SRPK2: variants seen among roughly 807,000 people sequenced by gnomAD.
SRPK2 encodes the protein SFRS protein kinase 2.
SRPK2 carries 21 observed loss-of-function variants against 90.8 expected under a neutral mutation model. The ratio of observed to expected loss-of-function variants is 0.23; its 90% CI spans 0.16 to 0.33. SRPK2 has a LOEUF of 0.33. Ranked by LOEUF, SRPK2 falls within the 10% of genes least tolerant of loss-of-function variation. SRPK2 has a pLI of 1.00. For synonymous variants in SRPK2, 288 were observed against 311.1 expected (o/e 0.93, Z 0.78); for missense variants, 620 against 869.0 (o/e 0.71, Z 3.60).
intron 2 of SRPK2, among the ~76,000 whole-genome samples, chr7:105,334,329 T>C (rs1197406735): frequency 2.6e-5 from 4 of 152,244 alleles, no homozygotes; most frequent in East Asian, 1.9e-4. Context: ...CCACCCACCT[T>C]GGCCTCCCAA....
intron 2 of SRPK2, among the ~76,000 whole-genome samples, chr7:105,357,611 G>T (rs768053010): frequency 6.6e-6 from 1 of 152,038 alleles, no homozygotes; most frequent in African/African-American, 2.4e-5. Context: ...GGGTGCGGTG[G>T]TGTGCGCTTG....
Position 105,366,498 on chromosome 7 carries a change from C to T in SRPK2, c.71+22150G>A, listed in dbSNP as rs542297643. Among the ~76,000 whole-genome samples the T allele has an allele frequency of 2.5e-4, 38 of 151,338 alleles. 1 individual carries two copies. Among genetic ancestry groups the T allele is most frequent in the Middle Eastern group, 3.4e-3 (1 of 290 alleles). On this transcript the variant is annotated intron_variant, in intron 2 of 15. Coordinates refer to ENST00000393651, the MANE Select transcript of SRPK2 (RefSeq NM_182692.3). ...AATTCTTCTACCTCAGCCTCCCAAG[C>T]AGATGGGACTACAGGCGTGCACCAC...
intron 1 of SRPK2, among the ~76,000 whole-genome samples, chr7:105,395,316 C>T (rs1013428409): frequency 6.6e-6 from 1 of 151,338 alleles, no homozygotes; most frequent in Non-Finnish European, 1.5e-5. Flanking sequence ...ATAGTGAGAC[C>T]CCCCCACCTC....
intron 2 of SRPK2, among the ~76,000 whole-genome samples, chr7:105,341,828 G>A (rs1815830084): frequency 6.6e-6 from 1 of 152,086 alleles, no homozygotes; most frequent in South Asian, 2.1e-4. Flanking sequence ...TTAGCCAGGT[G>A]TGGTGGCCCG....
intron 3 of SRPK2, among the ~76,000 whole-genome samples, chr7:105,201,365 A>G (rs972736760): frequency 2.6e-5 from 4 of 152,026 alleles, no homozygotes; most frequent in Non-Finnish European, 5.9e-5. Flanking sequence ...TGACTTTAAT[A>G]CTCTGTGAAG....
At chr7:105,289,301 A>T (rs147872015) in intron 2 of SRPK2, among the ~76,000 whole-genome samples, 106 of 152,066 alleles carry the variant, frequency 7.0e-4, no homozygotes, top group African/African-American at 2.4e-3. Flanking sequence ...AAAAAATAAA[A>T]AATAACTTCC....
At chr7:105,335,005 C>T (rs1814919471) in intron 2 of SRPK2, among the ~76,000 whole-genome samples, 1 of 150,688 alleles carries the variant, frequency 6.6e-6, no homozygotes, top group Non-Finnish European at 1.5e-5. Context: ...CCCGTCTCTA[C>T]TACAAATACA....
At chr7:105,208,616 A>G (rs202026786) in intron 2 of SRPK2, among the ~76,000 whole-genome samples, 1 of 152,186 alleles carries the variant, frequency 6.6e-6, no homozygotes, top group African/African-American at 2.4e-5. Flanking sequence ...AAATCAGTGG[A>G]TGCTCATATC....
rs149054565 is a variant in SRPK2 at position 105,328,435 on chromosome 7, C to T, written c.71+60213G>A. On this transcript the variant is annotated intron_variant, in intron 2 of 15. Coordinates refer to ENST00000393651, the MANE Select transcript of SRPK2 (RefSeq NM_182692.3). ...AAAATTAGCCAGGTGTGGTGGCAGG[C>T]GACTGTAATCCCAGCTATTCAGGAG... 3.3e-3 allele frequency among the ~76,000 whole-genome samples: 501 copies of T among 151,164 alleles called. 1 individual carries two copies. Among genetic ancestry groups the T allele is most frequent in the African/African-American group, 0.011 (467 of 41,144 alleles).
In SRPK2 at chr7:105,126,379, G is replaced by C. The variant is rs763091421; in HGVS notation, c.1823-39C>G. 2.8e-6 allele frequency: 4 copies of C among 1,448,874 alleles called. No individual in the cohort carries two copies. In the East Asian group the frequency reaches 6.8e-5, roughly 25 times the overall value. The allele number at this position is 1,448,874 out of a possible 1,614,324, so 89.8% of individuals were successfully genotyped here. A position where few individuals can be genotyped will look rare whatever the true frequency, so the allele number is the denominator to read the frequency against. On this transcript the variant is annotated intron_variant, in intron 14 of 15. Transcript: ENST00000393651. ...AAAAAAAGGATATGGGAATGGGAGG[G>C]GCAAAGGGAAGGATGGGATAAAAGA...
chr7:105,172,697 A>C (rs1436320338), intron 3 of SRPK2, among the ~76,000 whole-genome samples: 1 of 152,236 alleles, frequency 6.6e-6, no homozygotes, highest in African/African-American at 2.4e-5. Context: ...GTATGACTCC[A>C]AAACCCATGT....
At chr7:105,395,737 A>AC (rs1822304411) in intron 1 of SRPK2, among the ~76,000 whole-genome samples, 1 of 152,102 alleles carries the variant, frequency 6.6e-6, no homozygotes, top group Non-Finnish European at 1.5e-5. Context: ...GTCTCCCAAA[A>AC]CAAAAAAAAA....
chr7:105,225,914 T>C (rs1308594316), intron 2 of SRPK2, among the ~76,000 whole-genome samples: 2 of 152,140 alleles, frequency 1.3e-5, no homozygotes, highest in East Asian at 3.8e-4. Context: ...AGCACATCAG[T>C]CTTACTAGCC....
intron 2 of SRPK2, among the ~76,000 whole-genome samples, chr7:105,337,863 T>C (rs771799453): frequency 4.9e-4 from 74 of 152,098 alleles, no homozygotes; most frequent in Non-Finnish European, 1.3e-4. Context: ...CAGTGATGTA[T>C]ATAGAAATAT....
intron 3 of SRPK2, among the ~76,000 whole-genome samples, chr7:105,194,373 T>C (rs145851804): frequency 1.3e-5 from 2 of 152,258 alleles, no homozygotes; most frequent in Admixed American, 1.3e-4. Context: ...CAAAAAAGAA[T>C]AATAATTTAT....
In SRPK2 at chr7:105,182,613, G is replaced by A. The variant is rs114875537; in HGVS notation, c.230-13348C>T. 7.7e-3 allele frequency among the ~76,000 whole-genome samples: 1,165 copies of A among 152,022 alleles called. 17 individuals are homozygous for A. The highest frequency in any genetic ancestry group is 0.026 in the African/African-American group (1,071 of 41,464). ...ATTACAGATGTGCACCAACATGCCCGGCTAATTTTTGTGTTTTTTATTTAT... is the reference window on the plus strand; with the variant it reads ...ATTACAGATGTGCACCAACATGCCCAGCTAATTTTTGTGTTTTTTATTTAT... On this transcript the variant is annotated intron_variant, in intron 3 of 15. Coordinates refer to ENST00000393651, the MANE Select transcript of SRPK2 (RefSeq NM_182692.3).
At chr7:105,265,606 C>T (rs890696155) in intron 2 of SRPK2, among the ~76,000 whole-genome samples, 2 of 151,960 alleles carry the variant, frequency 1.3e-5, no homozygotes, top group South Asian at 2.1e-4. Context: ...AATGAAGAAA[C>T]GAGAACTTGA....
intron 11 of SRPK2, 67 bp downstream of exon 11, chr7:105,141,941 C>A (rs574726713): frequency 8.4e-5 from 128 of 1,529,164 alleles, no homozygotes; most frequent in Non-Finnish European, 1.1e-4. Context: ...AATTCCTTCA[C>A]AGCATTTGTT....
chr7:105,261,781 T>C (rs1804329860), intron 2 of SRPK2, among the ~76,000 whole-genome samples: 1 of 152,162 alleles, frequency 6.6e-6, no homozygotes, highest in African/African-American at 2.4e-5. Context: ...AGTAAGCCAG[T>C]AAGTAGACCA....
Sources: gnomAD v4.1 joint callset for allele counts (sites outside exome capture counted in the v4.1 genomes callset) on GRCh38, gnomAD v4.1.1 for gene constraint, MANE v1.5 for transcripts, NCBI Gene and HGNC (gene_info 2026-07-23, HGNC 2026-07-21) for gene names.